Variants in SLC38A10 observed in about 807,000 individuals in gnomAD.
SLC38A10 encodes the protein solute carrier family 38 member 10.
In SLC38A10, 53 loss-of-function variants were observed where a neutral mutation model predicts 81.0. The ratio of observed to expected loss-of-function variants is 0.65; its 90% confidence interval spans 0.53 to 0.82. SLC38A10 has a LOEUF of 0.82. SLC38A10 is among the 40% of genes least tolerant of loss of function. SLC38A10 has a pLI of 0.00. For synonymous variants in SLC38A10, 665 were observed against 655.3 expected (o/e 1.01, Z -0.23); for missense variants, 1,471 against 1,545.0 (o/e 0.95, Z 0.80).
At chr17:81,292,553 G>A (rs997385557) in intron 1 of SLC38A10, among the ~76,000 whole-genome samples, 1 of 151,970 alleles carries the variant, frequency 6.6e-6, no homozygotes, top group Admixed American at 6.6e-5. Flanking sequence ...GTCTCCCTGC[G>A]CCCCAGTCCA....
chr17:81,278,380 T>C (rs970266905), intron 6 of SLC38A10, among the ~76,000 whole-genome samples: 1 of 151,556 alleles, frequency 6.6e-6, no homozygotes, highest in Admixed American at 6.6e-5. Context: ...CAGGACCCCA[T>C]CTCCAAAAAA....
chr17:81,271,070 G>A, intron 9 of SLC38A10, 46 bp from the exon 10 acceptor site: 1 of 1,508,484 alleles, frequency 6.6e-7, no homozygotes, highest in Non-Finnish European at 9.1e-7. Context: ...GAAGGGCTCT[G>A]GGAAGGAGGG....
In SLC38A10 at chr17:81,253,273, G is replaced by A; in HGVS notation, c.1289-33C>T. On this transcript the variant is annotated intron_variant, in intron 11 of 15. Transcript: ENST00000374759. The surrounding 1 kb of genome is among the most constrained non-coding windows in gnomAD (Gnocchi z 4.1). ...CAGGGCACAGTTAGGGAACTGCACT[G>A]CCAAGCAGCTCCAGGAGCGGGGCAG... 2 of 1,605,572 alleles carry A rather than the reference G, an allele frequency of 1.2e-6. No homozygotes were observed. Among genetic ancestry groups the A allele is most frequent in the Non-Finnish European group, 1.7e-6 (2 of 1,174,142 alleles).
intron 14 of SLC38A10, chr17:81,250,102 C>T (rs1301512249): frequency 7.8e-7 from 1 of 1,287,858 alleles, no homozygotes; most frequent in East Asian, 5.5e-5. Flanking sequence ...AGCTGCTCGT[C>T]CCGTTGAGAG....
chr17:81,272,957 C>T (rs1446498704), intron 8 of SLC38A10, among the ~76,000 whole-genome samples: 5 of 152,146 alleles, frequency 3.3e-5, no homozygotes, highest in African/African-American at 9.7e-5. Context: ...TTTTTAAGTG[C>T]CAGGAAGTAT....
chr17:81,286,470 C>T lies in SLC38A10; in HGVS notation c.218-1575G>A, dbSNP rs979858066. Among the ~76,000 whole-genome samples, 14 of 152,218 alleles carry T rather than the reference C, an allele frequency of 9.2e-5. No individual in the cohort carries two copies. The highest frequency in any genetic ancestry group is 2.9e-4 in the African/African-American group (12 of 41,434). On this transcript the variant is annotated intron_variant, in intron 2 of 15. Coordinates refer to ENST00000374759, the MANE Select transcript of SLC38A10 (RefSeq NM_001037984.3). This position sits in a 1 kb window ranked among gnomAD's most constrained non-coding sequence, Gnocchi z 6.0. ...TCACCCGCCATTCCCAGTGTCAATC[C>T]CTCGGCAACTTCTCCTCCCCAGGTT...
chr17:81,252,691 G>A lies in SLC38A10; in HGVS notation c.1457-8C>T, dbSNP rs773410535. On this transcript the variant is annotated splice_polypyrimidine_tract_variant and splice_region_variant and intron_variant, in intron 12 of 15. Transcript: ENST00000374759. ...CCACAGGCACAGCAATCCCTGCAAGGGCACGGGGGACAGATGGGGTCAGGC... is the reference window on the plus strand; with the variant it reads ...CCACAGGCACAGCAATCCCTGCAAGAGCACGGGGGACAGATGGGGTCAGGC... 3.8e-6 allele frequency: 6 copies of A among 1,590,114 alleles called. No individual in the cohort carries two copies. Among genetic ancestry groups the A allele is most frequent in the Middle Eastern group, 1.7e-4 (1 of 6,002 alleles).
Position 81,246,240 on chromosome 17 carries a change from C to G in SLC38A10, c.2676G>C (p.Arg892Ser). 6.2e-7 allele frequency: 1 copy of G among 1,612,786 alleles called. No homozygotes were observed. Among genetic ancestry groups the G allele is most frequent in the South Asian group, 1.1e-5 (1 of 91,088 alleles). ...SQDVTGGSQD[R>S]KKPGKEVAAT... ...CTGCCACCTCCTTCCCAGGTTTTTT[C>G]CTGTCTTGGGAACCGCCAGTAACGT... The change falls in exon 16 of 16, where the codon AGG becomes AGC. Residue 892 changes from arginine to serine, a missense_variant. By Grantham distance (110) the Arg-to-Ser change is moderately radical (BLOSUM62 -1). Transcript: ENST00000374759.
At position 81,252,348 on chromosome 17, in the gene SLC38A10, GC is replaced by G. The variant is rs1354077460; in HGVS notation, c.1791del (p.Pro598GlnfsTer107). ...CGAGGATGCAGGCCCCTGTCTCCTGGCCCCAGGTCCTCCTTTGCAGGCTGGA... is the reference window on the plus strand; with the variant it reads ...CGAGGATGCAGGCCCCTGTCTCCTGGCCCAGGTCCTCCTTTGCAGGCTGGA... ...PAVQPAKEDL[G>X]PGDRGLHPRP... On this transcript the variant is annotated frameshift_variant, in exon 13 of 16. Coordinates refer to ENST00000374759, the MANE Select transcript of SLC38A10 (RefSeq NM_001037984.3). LOFTEE classifies it high-confidence loss of function. The G allele has an allele frequency of 1.9e-6, 3 of 1,612,926 alleles. No homozygotes were observed. The African/African-American group carries it at 4.0e-5, about 22-fold the overall frequency.
chr17:81,248,668 G>A (rs55772971), intron 14 of SLC38A10, among the ~76,000 whole-genome samples: 258 of 152,372 alleles, frequency 1.7e-3, no homozygotes, highest in Non-Finnish European at 2.9e-3. Context: ...AATATCTCAG[G>A]GACGGCCCTG....
Position 81,276,999 on chromosome 17 carries a change from C to T in SLC38A10, c.729+32G>A, listed in dbSNP as rs1567941909. The T allele has an allele frequency of 3.7e-6, 6 of 1,601,628 alleles. No individual in the cohort carries two copies. In the East Asian group the frequency reaches 1.1e-4, roughly 30 times the overall value. ...CACGGCACATCATGCTGGCATGACA[C>T]AGGGGCGGAGAGGGCGTGGCAAGGC... On this transcript the variant is annotated intron_variant, in intron 7 of 15. Coordinates refer to ENST00000374759, the MANE Select transcript of SLC38A10 (RefSeq NM_001037984.3). The surrounding 1 kb of genome is among the most constrained non-coding windows in gnomAD (Gnocchi z 4.7).
At chr17:81,284,777 G>T in intron 3 of SLC38A10, 73 bp downstream of exon 3, 1 of 1,238,240 alleles carries the variant, frequency 8.1e-7, no homozygotes, top group Non-Finnish European at 1.1e-6. Flanking sequence ...TGAAACTGCC[G>T]CTCCCACCGG....
intron 3 of SLC38A10, among the ~76,000 whole-genome samples, chr17:81,284,451 T>C (rs2063245015): frequency 6.6e-6 from 1 of 152,238 alleles, no homozygotes; most frequent in South Asian, 2.1e-4. Context: ...TACAATTCCC[T>C]AATTTAGAAG....
intron 8 of SLC38A10, among the ~76,000 whole-genome samples, chr17:81,273,070 G>A (rs1056543420): frequency 1.3e-5 from 2 of 152,100 alleles, no homozygotes; most frequent in Non-Finnish European, 2.9e-5. Context: ...CCAAACACAC[G>A]CACACATGGC....
chr17:81,260,380 G>C lies in SLC38A10; in HGVS notation c.1146C>G (p.Val382=), dbSNP rs34228248. ...TGCTCACCACCAGGACGCCCAGGCC[G>C]ACCCACAGCACCACCTGAGGAGACA... ...NALSSQVVLW[V]GLGVLVVSTV... Residue 382 remains valine, a synonymous_variant, in exon 11 of 16, where the codon GTC becomes GTG. Transcript: ENST00000374759. 1 of 1,611,142 alleles carries C rather than the reference G, an allele frequency of 6.2e-7. No individual in the cohort carries two copies. The highest frequency in any genetic ancestry group is 1.1e-5 in the South Asian group (1 of 90,792).
At chr17:81,269,231 G>A (rs2063094151) in intron 10 of SLC38A10, among the ~76,000 whole-genome samples, 1 of 152,188 alleles carries the variant, frequency 6.6e-6, no homozygotes, top group African/African-American at 2.4e-5. Context: ...AATCCATAAG[G>A]GGCTGGGTGT....
At chr17:81,287,146 A>G (rs905626577) in intron 2 of SLC38A10, among the ~76,000 whole-genome samples, 1 of 152,196 alleles carries the variant, frequency 6.6e-6, no homozygotes, top group Non-Finnish European at 1.5e-5. Context: ...AAACACCAAC[A>G]AAAAACGACA....
At chr17:81,258,619 T>C (rs1470250739) in intron 11 of SLC38A10, among the ~76,000 whole-genome samples, 1 of 150,774 alleles carries the variant, frequency 6.6e-6, no homozygotes, top group East Asian at 2.0e-4. Context: ...AGGGCTAGGG[T>C]CTCAGCACAC....
At chr17:81,285,309 C>T (rs927840695) in intron 2 of SLC38A10, 4 of 168,082 alleles carry the variant, frequency 2.4e-5, no homozygotes, top group South Asian at 1.9e-4. Flanking sequence ...CCCAGGTACC[C>T]GAGCGCCACA....
Sources: gnomAD v4.1 joint callset for allele counts (sites outside exome capture counted in the v4.1 genomes callset) on GRCh38, gnomAD v4.1.1 for gene constraint, Gnocchi (gnomAD v3.1) non-coding constraint, MANE v1.5 for transcripts, NCBI Gene and HGNC (gene_info 2026-07-23, HGNC 2026-07-21) for gene names.